Variants in TENM2 observed in about 807,000 individuals in gnomAD.
TENM2 encodes teneurin transmembrane protein 2, also known as teneurin-2.
Under a neutral mutation model 245.2 loss-of-function variants are expected in TENM2, and 52 were observed. That is an observed-to-expected ratio of 0.21 (90% CI 0.17 to 0.27). The LOEUF (loss-of-function observed/expected upper bound fraction) is 0.27, where lower values mean the gene tolerates loss of function less well. Among genes scored for constraint, TENM2 ranks in the 10% least tolerant of loss-of-function variants. The pLI, the probability that TENM2 is intolerant of heterozygous loss-of-function variation, is 1.00. For synonymous variants in TENM2, 1,363 were observed against 1,438.9 expected, an observed-to-expected ratio of 0.95 and a Z score of 1.19; for missense variants, 3,046 against 3,666.8, an observed-to-expected ratio of 0.83 and a Z score of 4.37.
At chr5:167,160,767 A>G in the TENM2 span, among the ~76,000 whole-genome samples, 1 of 152,156 alleles carries the variant, frequency 6.6e-6, no homozygotes, top group African/African-American at 2.4e-5. Context: ...ACCCTGAATT[A>G]CCTGAGGATG....
intron 1 of TENM2, among the ~76,000 whole-genome samples, chr5:167,350,956 GAT>G (rs557335263): frequency 6.6e-5 from 2 of 30,394 alleles, no homozygotes; most frequent in African/African-American, 1.8e-4. Context: ...TATACATATG[GAT>G]ATATATATGG....
chr5:168,180,850 T>C (rs1314288214), intron 13 of TENM2, among the ~76,000 whole-genome samples: 4 of 151,784 alleles, frequency 2.6e-5, no homozygotes, highest in Non-Finnish European at 5.9e-5. Context: ...TGCAGTGAGC[T>C]GAGATGGCAC....
chr5:167,767,754 G>A (rs887146228), intron 2 of TENM2, among the ~76,000 whole-genome samples: 5 of 152,190 alleles, frequency 3.3e-5, no homozygotes, highest in African/African-American at 1.2e-4. Context: ...CTTACTTGTG[G>A]ATAACATTCC....
chr5:167,353,632 C>A (rs1472476492), intron 1 of TENM2, among the ~76,000 whole-genome samples: 1 of 150,126 alleles, frequency 6.7e-6, no homozygotes, highest in African/African-American at 2.4e-5. Flanking sequence ...CTCAGCCTCC[C>A]ATGTAGCTGG....
At chr5:167,099,996 C>T in the TENM2 span, among the ~76,000 whole-genome samples, 139 of 152,260 alleles carry the variant, frequency 9.1e-4, no homozygotes, top group Non-Finnish European at 1.5e-3. Context: ...CAACTTCTAA[C>T]GTCTTTCCTT....
At chr5:167,071,644 A>C in the TENM2 span, among the ~76,000 whole-genome samples, 8 of 152,288 alleles carry the variant, frequency 5.3e-5, no homozygotes, top group African/African-American at 1.9e-4. Flanking sequence ...GTAGCTTAAA[A>C]AGGAAAGCAA....
intron 2 of TENM2, among the ~76,000 whole-genome samples, chr5:167,811,431 C>T (rs1014641113): frequency 3.3e-5 from 5 of 152,052 alleles, no homozygotes; most frequent in Admixed American, 2.0e-4. Context: ...CAAGCTTCTG[C>T]TTCACCTTCT....
the TENM2 span, among the ~76,000 whole-genome samples, chr5:167,242,071 T>G: frequency 7.0e-6 from 1 of 142,902 alleles, no homozygotes; most frequent in Admixed American, 7.2e-5. Flanking sequence ...TGAGATGGAG[T>G]TTTGCTCTTG....
Position 168,244,349 on chromosome 5 carries a change from G to A in TENM2, c.5521-71G>A. On this transcript the variant is annotated intron_variant, in intron 25 of 28. Transcript: ENST00000518659. The surrounding 1 kb of genome is among the most constrained non-coding windows in gnomAD (Gnocchi z 4.9). The stretch of plus-strand genomic sequence containing the variant: ...CTTAAGCCCTGGCCATGCCAGCCAT[G>A]TCCTCCACAGAAGCCTGAGCCGGCA... 1 of 1,301,482 alleles carries A rather than the reference G, an allele frequency of 7.7e-7. No individual in the cohort carries two copies. Among genetic ancestry groups the A allele is most frequent in the Non-Finnish European group, 1.0e-6 (1 of 976,598 alleles). The allele number at this position is 1,301,482 out of a possible 1,614,324, so 80.6% of individuals were successfully genotyped here.
chr5:168,066,001 C>T (rs1008692572), intron 7 of TENM2, among the ~76,000 whole-genome samples: 2 of 152,082 alleles, frequency 1.3e-5, no homozygotes, highest in Non-Finnish European at 2.9e-5. Context: ...CTACTAGTAC[C>T]TAGTGGATAG....
At chr5:167,403,907 T>G (rs1392369745) in intron 2 of TENM2, among the ~76,000 whole-genome samples, 14 of 151,990 alleles carry the variant, frequency 9.2e-5, no homozygotes, top group Non-Finnish European at 1.9e-4. Flanking sequence ...CAACTGTTTT[T>G]TTTTTTTTTA....
the TENM2 span, among the ~76,000 whole-genome samples, chr5:167,221,331 T>C: frequency 3.9e-5 from 6 of 152,174 alleles, no homozygotes; most frequent in Non-Finnish European, 1.5e-5. Flanking sequence ...ATGAAATGAA[T>C]GTTTTGGAGT....
At chr5:168,026,790 G>T (rs986450834) in intron 5 of TENM2, among the ~76,000 whole-genome samples, 2 of 152,138 alleles carry the variant, frequency 1.3e-5, no homozygotes, top group Admixed American at 1.3e-4. Flanking sequence ...CTTGGCCAAA[G>T]GTAAGCACTA....
chr5:167,224,749 T>C, the TENM2 span, among the ~76,000 whole-genome samples: 32,307 of 151,840 alleles, frequency 0.21, 4,129 homozygotes, highest in African/African-American at 0.36. Flanking sequence ...ATTATATTAG[T>C]ATTTTGATAG....
intron 2 of TENM2, among the ~76,000 whole-genome samples, chr5:167,825,305 G>T (rs767274060): frequency 1.3e-5 from 2 of 151,982 alleles, no homozygotes; most frequent in Non-Finnish European, 2.9e-5. Context: ...GGGGGGTGGG[G>T]TTCTTGGTGG....
chr5:168,059,773 T>C (rs1467375906), intron 6 of TENM2, among the ~76,000 whole-genome samples: 1 of 152,170 alleles, frequency 6.6e-6, no homozygotes, highest in African/African-American at 2.4e-5. Context: ...CATGCCATTG[T>C]TTTAGCAAAA....
At chr5:167,041,940 A>T in the TENM2 span, among the ~76,000 whole-genome samples, 14 of 152,128 alleles carry the variant, frequency 9.2e-5, no homozygotes, top group Non-Finnish European at 7.4e-5. Context: ...GGGAAATGTT[A>T]TTAATGGTCA....
At chr5:167,158,912 T>TCCTCTC in the TENM2 span, among the ~76,000 whole-genome samples, 2 of 102,492 alleles carry the variant, frequency 2.0e-5, no homozygotes, top group African/African-American at 4.3e-5. Flanking sequence ...TCCTTCCTCT[T>TCCTCTC]CCTCTCTCTC....
At chr5:167,171,675 G>C in the TENM2 span, among the ~76,000 whole-genome samples, 11 of 152,190 alleles carry the variant, frequency 7.2e-5, no homozygotes, top group Non-Finnish European at 1.3e-4. Context: ...GGCTGGGGAA[G>C]AGCACAGCCA....
Sources: gnomAD v4.1 joint callset for allele counts (sites outside exome capture counted in the v4.1 genomes callset) on GRCh38, gnomAD v4.1.1 for gene constraint, Gnocchi (gnomAD v3.1) non-coding constraint, MANE v1.5 for transcripts, NCBI Gene and HGNC (gene_info 2026-07-23, HGNC 2026-07-21) for gene names.